Variants in LARGE1 observed in about 807,000 individuals in gnomAD.
LARGE1 encodes the protein xylosyl- and glucuronyltransferase LARGE1.
A neutral mutation model predicts 87.6 loss-of-function variants in LARGE1; 43 were observed. That is an observed-to-expected ratio of 0.49 (90% CI 0.38 to 0.63). LARGE1 has a LOEUF of 0.63. Ranked by LOEUF, LARGE1 falls within the 30% of genes least tolerant of loss-of-function variation. The pLI is 0.00. For missense variants in LARGE1, 802 were observed against 1,000.2 expected, an observed-to-expected ratio of 0.80 and a Z score of 2.67; for synonymous variants, 434 against 394.6, an observed-to-expected ratio of 1.10 and a Z score of -1.18.
intron 1 of LARGE1, among the ~76,000 whole-genome samples, chr22:33,818,250 C>A (rs771358302): frequency 6.6e-6 from 1 of 152,122 alleles, no homozygotes; most frequent in African/African-American, 2.4e-5. Flanking sequence ...TGATTCAGGG[C>A]ATGGGTTAAA....
At chr22:33,851,962 T>C (rs527526851) in intron 1 of LARGE1, among the ~76,000 whole-genome samples, 64 of 152,286 alleles carry the variant, frequency 4.2e-4, no homozygotes, top group African/African-American at 1.5e-3. Context: ...GTGTTGATGA[T>C]TGAGTGGTCT....
At chr22:33,653,888 C>T (rs1475939531) in intron 2 of LARGE1, among the ~76,000 whole-genome samples, 1 of 152,154 alleles carries the variant, frequency 6.6e-6, no homozygotes, top group Non-Finnish European at 1.5e-5. Flanking sequence ...TCATCCTTAG[C>T]CGGGGTCATG....
At chr22:33,716,823 G>C (rs1448124568) in intron 2 of LARGE1, among the ~76,000 whole-genome samples, 1 of 152,110 alleles carries the variant, frequency 6.6e-6, no homozygotes, top group East Asian at 1.9e-4. Context: ...TTTTACTGTT[G>C]GCTCATAGTT....
At chr22:33,071,909 C>T in the LARGE1 span, among the ~76,000 whole-genome samples, 1 of 152,176 alleles carries the variant, frequency 6.6e-6, no homozygotes, top group East Asian at 1.9e-4. Context: ...ACTCTTCCCA[C>T]GTGGGGCTAT....
chr22:33,615,727 T>C (rs1602728580), intron 4 of LARGE1, among the ~76,000 whole-genome samples: 1 of 146,488 alleles, frequency 6.8e-6, no homozygotes, highest in South Asian at 2.2e-4. Flanking sequence ...ATCAAGAAAG[T>C]GAAAAACTAC....
chr22:33,348,271 C>CCCCCT (rs1939988702), intron 9 of LARGE1, among the ~76,000 whole-genome samples: 1 of 57,710 alleles, frequency 1.7e-5, no homozygotes, highest in African/African-American at 7.7e-5. Flanking sequence ...TGTCCCCGCT[C>CCCCCT]CCCCACCCAC....
intron 11 of LARGE1, among the ~76,000 whole-genome samples, chr22:33,203,375 T>C (rs1924511321): frequency 6.6e-6 from 1 of 152,160 alleles, no homozygotes; most frequent in African/African-American, 2.4e-5. Flanking sequence ...ACCAGGCTTG[T>C]GAATTAGCCT....
At chr22:33,569,328 T>A (rs2078124803) in intron 5 of LARGE1, among the ~76,000 whole-genome samples, 1 of 152,208 alleles carries the variant, frequency 6.6e-6, no homozygotes, top group Admixed American at 6.5e-5. Context: ...GACTCTCCGT[T>A]TTATTTTTAA....
At chr22:33,673,835 ACGCCCAGC>A (rs1569360705) in intron 2 of LARGE1, among the ~76,000 whole-genome samples, 88 of 73,930 alleles carry the variant, frequency 1.2e-3, no homozygotes, top group African/African-American at 4.9e-3. Flanking sequence ...TTACACGACC[ACGCCCAGC>A]TAATTTTGTG....
chr22:33,327,806 G>T (rs1937369578), intron 10 of LARGE1, among the ~76,000 whole-genome samples: 1 of 152,154 alleles, frequency 6.6e-6, no homozygotes, highest in East Asian at 1.9e-4. Flanking sequence ...GCCTCTCAAA[G>T]TGCTGGGATT....
intron 1 of LARGE1, among the ~76,000 whole-genome samples, chr22:33,815,058 T>C (rs1355335701): frequency 1.3e-5 from 2 of 152,164 alleles, no homozygotes; most frequent in African/African-American, 2.4e-5. Context: ...CTAATAAGAA[T>C]AGCCCAGTAA....
chr22:33,876,112 A>T (rs2064456364), intron 1 of LARGE1, among the ~76,000 whole-genome samples: 1 of 152,136 alleles, frequency 6.6e-6, no homozygotes, highest in Non-Finnish European at 1.5e-5. Context: ...TGAATCACTG[A>T]TCTATTCTCT....
rs16992868 is a variant in LARGE1, at chr22:33,721,632, T to G, written c.106+39739A>C. Among the ~76,000 whole-genome samples the G allele has an allele frequency of 8.7e-3, 1,329 of 152,292 alleles. 93 individuals carry two copies. In the East Asian group the frequency reaches 0.18, roughly 20 times the overall value. Reference sequence around the variant, plus strand: ...ATGCCCCCAACTGAAGGGCAGCTTATAAATTTGCCAAAGAATCAGAGCAGC... The same window carrying G: ...ATGCCCCCAACTGAAGGGCAGCTTAGAAATTTGCCAAAGAATCAGAGCAGC... On this transcript the variant is annotated intron_variant, in intron 2 of 14. Transcript: ENST00000397394.
At chr22:33,367,127 T>G (rs2064625656) in intron 9 of LARGE1, among the ~76,000 whole-genome samples, 1 of 152,206 alleles carries the variant, frequency 6.6e-6, no homozygotes, top group Non-Finnish European at 1.5e-5. Context: ...ATTCTATTTT[T>G]TTTTTCAATT....
rs189798020 is a variant in LARGE1, at chr22:33,235,060, T to C, written c.1731-68228A>G. ...GGTACAGCTAAGATTTGGACCCCAG[T>C]CTACCTGACTCCCTTCTAACTTGAA... On this transcript the variant is annotated intron_variant, in intron 11 of 11. Transcript: ENST00000608642. Among the ~76,000 whole-genome samples the C allele has an allele frequency of 6.6e-3, 1,012 of 152,336 alleles. 6 individuals carry two copies. The highest frequency in any genetic ancestry group is 0.013 in the Admixed American group (206 of 15,296).
the LARGE1 span, among the ~76,000 whole-genome samples, chr22:33,125,215 C>T: frequency 4.5e-4 from 68 of 152,300 alleles, no homozygotes; most frequent in Admixed American, 2.8e-3. Context: ...TCAGTCTGGT[C>T]TGGAGATGAG....
At chr22:33,358,968 A>G (rs1231110276) in intron 9 of LARGE1, among the ~76,000 whole-genome samples, 2 of 151,040 alleles carry the variant, frequency 1.3e-5, no homozygotes, top group African/African-American at 4.9e-5. Context: ...ATTGCACTCC[A>G]GCCTGGGCGA....
intron 6 of LARGE1, among the ~76,000 whole-genome samples, chr22:33,437,764 A>G (rs1223292835): frequency 6.6e-6 from 1 of 152,198 alleles, no homozygotes; most frequent in Non-Finnish European, 1.5e-5. Context: ...ATACTAAGGA[A>G]TGAAAGACAA....
chr22:33,728,551 CA>C (rs57790780), intron 2 of LARGE1, among the ~76,000 whole-genome samples: 5,538 of 37,346 alleles, frequency 0.15, 190 homozygotes, highest in East Asian at 0.23. Context: ...CCCCTACCAC[CA>C]AAAAAAAAAA....
Sources: allele counts gnomAD v4.1 joint callset (sites outside exome capture counted in the v4.1 genomes callset), GRCh38; gene constraint gnomAD v4.1.1; transcripts MANE v1.5; gene names NCBI Gene and HGNC (gene_info 2026-07-23, HGNC 2026-07-21).